Variants in CTNND2 observed in about 807,000 individuals in gnomAD.
CTNND2 encodes catenin delta 2, also known as catenin delta-2.
CTNND2 carries 22 observed loss-of-function variants against 144.4 expected under a neutral mutation model. That is an observed-to-expected ratio of 0.15 (90% confidence interval 0.11 to 0.22). CTNND2 has a LOEUF of 0.22. Among genes scored for constraint, CTNND2 ranks in the 10% least tolerant of loss-of-function variants. CTNND2 has a pLI of 1.00. For synonymous variants in CTNND2, 751 were observed against 695.6 expected (o/e 1.08, Z -1.25); for missense variants, 1,353 against 1,618.8 (o/e 0.84, Z 2.82).
chr5:11,087,513 C>A (rs1462688025), intron 15 of CTNND2, among the ~76,000 whole-genome samples: 4 of 152,116 alleles, frequency 2.6e-5, no homozygotes, highest in Non-Finnish European at 5.9e-5. Context: ...AGCACAAGGT[C>A]CTTCAAATGA....
intron 18 of CTNND2, among the ~76,000 whole-genome samples, chr5:10,993,160 T>C (rs1738902433): frequency 6.6e-6 from 1 of 152,122 alleles, no homozygotes; most frequent in African/African-American, 2.4e-5. Flanking sequence ...CTGTGTCCTT[T>C]CCAGCCCCAA....
rs201402185 is a variant in CTNND2 at position 10,981,822 on chromosome 5, A to G, written c.3368T>C (p.Leu1123Ser). The change falls in exon 21 of 22, where the codon TTG (leucine) becomes TCG (serine). Residue 1123 changes from leucine to serine, a missense_variant. Around this residue, in one of 4 missense-constraint regions of CTNND2, gnomAD observed 459 missense variants for 674.3 expected, o/e 0.68. Transcript: ENST00000304623. ...GGGCGCACCATAAGAATTCCTATAC[A>G]AAGTTGAAATTCCAGTGTTTTGAGC... is the stretch of plus-strand genomic sequence containing the variant. ...MTAQNTGIST[L>S]YRNSYGAPAE... is the part of the protein sequence containing the mutation. 79 of 1,613,920 alleles carry G rather than the reference A, an allele frequency of 4.9e-5. No homozygotes were observed. The highest frequency in any genetic ancestry group is 5.9e-5 in the Non-Finnish European group (70 of 1,179,942).
chr5:11,619,032 T>A (rs1298102467), intron 2 of CTNND2, among the ~76,000 whole-genome samples: 1 of 152,230 alleles, frequency 6.6e-6, no homozygotes, highest in African/African-American at 2.4e-5. Flanking sequence ...AAAGTTATTA[T>A]GTTATTTCTG....
At chr5:11,473,617 C>T (rs1767448746) in intron 3 of CTNND2, among the ~76,000 whole-genome samples, 1 of 152,164 alleles carries the variant, frequency 6.6e-6, no homozygotes, top group Non-Finnish European at 1.5e-5. Context: ...ATCGCTATTC[C>T]CAGAAAAGAT....
At chr5:11,194,375 C>G (rs1476451139) in intron 11 of CTNND2, among the ~76,000 whole-genome samples, 1 of 152,086 alleles carries the variant, frequency 6.6e-6, no homozygotes. Flanking sequence ...AAGTACTGTC[C>G]CCTTCCTCCA....
At chr5:11,728,493 C>CAA (rs1787147592) in intron 2 of CTNND2, among the ~76,000 whole-genome samples, 1 of 152,016 alleles carries the variant, frequency 6.6e-6, no homozygotes, top group African/African-American at 2.4e-5. Flanking sequence ...CAAAACAAAA[C>CAA]AAACCCACAG....
intron 17 of CTNND2, among the ~76,000 whole-genome samples, chr5:11,018,616 T>C (rs1228471988): frequency 6.6e-6 from 1 of 151,840 alleles, no homozygotes; most frequent in African/African-American, 2.4e-5. Flanking sequence ...TTATTGCTGA[T>C]ATGGAGAAAG....
intron 15 of CTNND2, among the ~76,000 whole-genome samples, chr5:11,093,998 G>T (rs968982928): frequency 2.0e-5 from 3 of 152,094 alleles, no homozygotes; most frequent in African/African-American, 7.2e-5. Flanking sequence ...TGGCAAAATA[G>T]TATATTATAC....
chr5:11,144,871 A>T (rs539053778), intron 12 of CTNND2, among the ~76,000 whole-genome samples: 1 of 152,168 alleles, frequency 6.6e-6, no homozygotes, highest in East Asian at 1.9e-4. Context: ...CCCAGTGCTC[A>T]GCCCCTGAGT....
rs11740338 is a variant in CTNND2 at position 11,380,707 on chromosome 5, C to T, written c.1177+3958G>A. Among the ~76,000 whole-genome samples the T allele has an allele frequency of 7.6e-4, 115 of 152,244 alleles. 1 individual carries two copies. Among genetic ancestry groups the T allele is most frequent in the Middle Eastern group, 6.8e-3 (2 of 294 alleles). ...TTTTCCCAGAGAGTCAGAACTCTGA[C>T]GTTTGTGGTCAGATTTTCTAAGGTT... is the stretch of plus-strand genomic sequence containing the variant. On this transcript the variant is annotated intron_variant, in intron 7 of 21. Coordinates refer to ENST00000304623, the MANE Select transcript of CTNND2 (RefSeq NM_001332.4).
intron 16 of CTNND2, among the ~76,000 whole-genome samples, chr5:11,066,650 C>T (rs1296918139): frequency 6.6e-6 from 1 of 152,168 alleles, no homozygotes; most frequent in Non-Finnish European, 1.5e-5. Flanking sequence ...GCCATGGTCA[C>T]TCATATTTGG....
intron 12 of CTNND2, among the ~76,000 whole-genome samples, chr5:11,127,096 A>G (rs868187090): frequency 1.2e-4 from 18 of 152,236 alleles, no homozygotes; most frequent in Non-Finnish European, 1.2e-4. Context: ...GAGCCATGGC[A>G]TTCTGTGGCA....
intron 12 of CTNND2, among the ~76,000 whole-genome samples, chr5:11,142,206 G>A (rs1011892685): frequency 2.6e-5 from 4 of 152,158 alleles, no homozygotes; most frequent in Admixed American, 2.0e-4. Flanking sequence ...ATGATAACTT[G>A]CTCAAATGAA....
chr5:11,340,046 T>G (rs1489018788), intron 9 of CTNND2, among the ~76,000 whole-genome samples: 1 of 152,150 alleles, frequency 6.6e-6, no homozygotes, highest in African/African-American at 2.4e-5. Context: ...ACAGCTGCCC[T>G]CTGTAGCCCA....
intron 2 of CTNND2, among the ~76,000 whole-genome samples, chr5:11,730,297 C>A (rs1035136404): frequency 2.6e-5 from 4 of 152,140 alleles, no homozygotes; most frequent in Non-Finnish European, 5.9e-5. Context: ...TTTACAGTTA[C>A]CATTTTTTTC....
In CTNND2 at chr5:11,082,834, T is replaced by C. The variant is rs1417045322; in HGVS notation, c.2650A>G (p.Ile884Val). Residue 884 changes from isoleucine (I) to valine (V), a missense_variant, in exon 16 of 22, where the codon ATC (isoleucine) becomes GTC (valine). Around this residue, in one of 4 missense-constraint regions of CTNND2, gnomAD observed 459 missense variants for 674.3 expected, o/e 0.68. Transcript: ENST00000304623. ...AAGSWKWSVY[I>V]RAAVRKEKGL... Reference sequence around the variant, plus strand: ...TTCTCTTTTCGGACAGCGGCTCGGATATATACTGACCACTGCAAAAACAGG... The same window carrying C: ...TTCTCTTTTCGGACAGCGGCTCGGACATATACTGACCACTGCAAAAACAGG... 1 of 1,614,098 alleles carries C rather than the reference T, an allele frequency of 6.2e-7. No individual in the cohort carries two copies. The highest frequency in any genetic ancestry group is 8.5e-7 in the Non-Finnish European group (1 of 1,180,026).
intron 2 of CTNND2, among the ~76,000 whole-genome samples, chr5:11,599,351 TA>T (rs1384289211): frequency 6.6e-6 from 1 of 152,214 alleles, no homozygotes; most frequent in Non-Finnish European, 1.5e-5. Context: ...ACTATTCTAG[TA>T]AACTTCATCT....
At chr5:11,608,049 G>A (rs943179272) in intron 2 of CTNND2, among the ~76,000 whole-genome samples, 1 of 152,112 alleles carries the variant, frequency 6.6e-6, no homozygotes, top group Non-Finnish European at 1.5e-5. Context: ...ATATTATGCT[G>A]TGATGATTAA....
chr5:11,153,586 G>A (rs527524695), intron 12 of CTNND2, among the ~76,000 whole-genome samples: 67 of 152,294 alleles, frequency 4.4e-4, no homozygotes, highest in African/African-American at 1.4e-3. Context: ...TAGAGGCACC[G>A]TGGGACCAAG....
Sources: allele counts gnomAD v4.1 joint callset (sites outside exome capture counted in the v4.1 genomes callset), GRCh38; gene constraint gnomAD v4.1.1; regional missense constraint gnomAD v4.1.1; transcripts MANE v1.5; gene names NCBI Gene and HGNC (gene_info 2026-07-23, HGNC 2026-07-21).